Variants in VAV2 observed in about 807,000 individuals in gnomAD.
VAV2 encodes the protein vav guanine nucleotide exchange factor 2.
A neutral mutation model predicts 132.5 loss-of-function variants in VAV2; 67 were observed. That is an observed-to-expected ratio of 0.51 (90% confidence interval 0.42 to 0.62). The LOEUF (loss-of-function observed/expected upper bound fraction) is 0.62. Ranked by LOEUF, VAV2 falls within the 20% of genes least tolerant of loss-of-function variation. The pLI is 0.00. For synonymous variants in VAV2, 492 were observed against 443.5 expected (o/e 1.11, Z -1.37); for missense variants, 938 against 1,153.6 (o/e 0.81, Z 2.71).
chr9:133,928,356 G>T lies in VAV2; in HGVS notation c.321+10747C>A, dbSNP rs1271033555. On this transcript the variant is annotated intron_variant, in intron 2 of 29. Transcript: ENST00000371850. The surrounding 1 kb of genome is among the most constrained non-coding windows in gnomAD (Gnocchi z 5.4). ...ATGTTTTCAAGCAGAAACTCTGAAG[G>T]CCTTTGCCAACAGCCCCTGCGCCGG... Among the ~76,000 whole-genome samples the T allele has an allele frequency of 6.6e-6, 1 of 152,212 alleles. No individual in the cohort carries two copies. Among genetic ancestry groups the T allele is most frequent in the Non-Finnish European group, 1.5e-5 (1 of 68,044 alleles).
In VAV2 at chr9:133,834,259, C is replaced by G. The variant is rs747198541; in HGVS notation, c.449+13G>C. 8 of 1,583,406 alleles carry G rather than the reference C, an allele frequency of 5.1e-6. No individual in the cohort carries two copies. In the Admixed American group the frequency reaches 1.2e-4, roughly 24 times the overall value. ...CCCTCCTCTCCATCCCTCCTCCCAT[C>G]CCCCCGCCTTACTCGGCCAGCTCCT... On this transcript the variant is annotated intron_variant, in intron 4 of 29. Coordinates refer to ENST00000371850, the MANE Select transcript of VAV2 (RefSeq NM_001134398.2). The surrounding 1 kb of genome is among the most constrained non-coding windows in gnomAD (Gnocchi z 5.9).
chr9:133,780,657 G>A (rs1833975487), intron 20 of VAV2, 37 bp downstream of exon 20: 11 of 1,293,552 alleles, frequency 8.5e-6, no homozygotes, highest in South Asian at 2.8e-5. Flanking sequence ...TGTGGCGGGG[G>A]TGGGGCAGAG....
rs1588231654 is a variant in VAV2 at position 133,826,832 on chromosome 9, T to C, written c.449+7440A>G. On this transcript the variant is annotated intron_variant, in intron 4 of 29. Transcript: ENST00000371850. The surrounding 1 kb of genome is among the most constrained non-coding windows in gnomAD (Gnocchi z 4.2). ...GGAGGGAGGGCAGAGGCAGGCGGCCTGGCCCTGCTGGGGACTGGGGTGTGC... is the reference window on the plus strand; with the variant it reads ...GGAGGGAGGGCAGAGGCAGGCGGCCCGGCCCTGCTGGGGACTGGGGTGTGC... Among the ~76,000 whole-genome samples, 2 of 152,166 alleles carry C rather than the reference T, an allele frequency of 1.3e-5. No homozygotes were observed. The highest frequency in any genetic ancestry group is 2.9e-5 in the Non-Finnish European group (2 of 68,016).
At chr9:133,801,809 G>A (rs557483866) in intron 9 of VAV2, among the ~76,000 whole-genome samples, 1 of 152,278 alleles carries the variant, frequency 6.6e-6, no homozygotes. Flanking sequence ...GACAGAGAAC[G>A]AAGCAGCCCC....
intron 2 of VAV2, among the ~76,000 whole-genome samples, chr9:133,916,402 T>G (rs917945801): frequency 1.3e-5 from 2 of 152,190 alleles, no homozygotes; most frequent in Non-Finnish European, 2.9e-5. Context: ...AAAGGGAAGG[T>G]GGTGGGTGCC....
Position 133,812,098 on chromosome 9 carries a change from G to T in VAV2, c.552+16C>A. 6.2e-7 allele frequency: 1 copy of T among 1,612,194 alleles called. No individual in the cohort carries two copies. The highest frequency in any genetic ancestry group is 1.1e-5 in the South Asian group (1 of 91,052). On this transcript the variant is annotated intron_variant, in intron 5 of 29. Transcript: ENST00000371850. ...GGAAGGGAGGGGAAGGGAGGGAGGA[G>T]CGGGGCAGGGCTCACCATGGGCTGC... is the stretch of plus-strand genomic sequence containing the variant.
intron 1 of VAV2, among the ~76,000 whole-genome samples, chr9:133,968,280 G>A (rs1364314177): frequency 2.6e-5 from 4 of 152,024 alleles, no homozygotes; most frequent in African/African-American, 4.8e-5. Context: ...CATTACACAC[G>A]GTATATGTGT....
chr9:133,841,657 T>C (rs1221168964), intron 3 of VAV2, among the ~76,000 whole-genome samples: 1 of 152,134 alleles, frequency 6.6e-6, no homozygotes, highest in Non-Finnish European at 1.5e-5. Context: ...GCACCTCAAC[T>C]GTGCTCACTG....
chr9:133,833,411 C>G lies in VAV2; in HGVS notation c.449+861G>C, dbSNP rs1836339489. Among the ~76,000 whole-genome samples the G allele has an allele frequency of 6.6e-6, 1 of 152,192 alleles. No individual in the cohort carries two copies. Among genetic ancestry groups the G allele is most frequent in the African/African-American group, 2.4e-5 (1 of 41,450 alleles). On this transcript the variant is annotated intron_variant, in intron 4 of 29. Coordinates refer to ENST00000371850, the MANE Select transcript of VAV2 (RefSeq NM_001134398.2). The surrounding 1 kb of genome is among the most constrained non-coding windows in gnomAD (Gnocchi z 5.6). Reference sequence around the variant, plus strand: ...GAAGGGAGAGAGAAACACTAAGAGTCTTCCAGAAGAAACCGTAGTTGAGCT... The same window carrying G: ...GAAGGGAGAGAGAAACACTAAGAGTGTTCCAGAAGAAACCGTAGTTGAGCT...
intron 25 of VAV2, among the ~76,000 whole-genome samples, chr9:133,772,803 C>T (rs912553553): frequency 6.6e-6 from 1 of 152,198 alleles, no homozygotes; most frequent in African/African-American, 2.4e-5. Flanking sequence ...CATCACTGTA[C>T]GAACGCCACG....
rs1387033134 is a variant in VAV2, at chr9:133,823,167, G to A, written c.450-10951C>T. 6.6e-6 allele frequency among the ~76,000 whole-genome samples: 1 copy of A among 152,228 alleles called. No homozygotes were observed. The highest frequency in any genetic ancestry group is 1.5e-5 in the Non-Finnish European group (1 of 68,048). On this transcript the variant is annotated intron_variant, in intron 4 of 29. Coordinates refer to ENST00000371850, the MANE Select transcript of VAV2 (RefSeq NM_001134398.2). This position sits in a 1 kb window ranked among gnomAD's most constrained non-coding sequence, Gnocchi z 5.5. ...CTCCTACCACAGTGAACCAGGCCCA[G>A]GCCTAGTTAGGTGTCCTCTCTGTGC...
intron 3 of VAV2, among the ~76,000 whole-genome samples, chr9:133,852,179 G>T (rs10993825): frequency 0.11 from 15,964 of 151,668 alleles, 2,293 homozygotes; most frequent in African/African-American, 0.33. Context: ...GGTAGATGTA[G>T]CGATGAGGGG....
intron 2 of VAV2, among the ~76,000 whole-genome samples, chr9:133,925,486 G>A (rs1564470529): frequency 2.0e-5 from 3 of 152,222 alleles, no homozygotes; most frequent in African/African-American, 7.2e-5. Flanking sequence ...CCAAAGTGCT[G>A]GGATTACAGG....
At chr9:133,951,573 C>T (rs1252936230) in intron 1 of VAV2, among the ~76,000 whole-genome samples, 1 of 152,168 alleles carries the variant, frequency 6.6e-6, no homozygotes, top group Non-Finnish European at 1.5e-5. Context: ...GAGCGCTAGA[C>T]TAGAACCCCT....
intron 15 of VAV2, among the ~76,000 whole-genome samples, 176 bp from the exon 16 acceptor site, chr9:133,787,436 G>A (rs1052623815): frequency 3.3e-5 from 5 of 152,182 alleles, no homozygotes; most frequent in African/African-American, 9.7e-5. Context: ...CCAGAGTGTT[G>A]GGTGCTGGTG....
At chr9:133,801,073 C>G (rs1339093378) in intron 9 of VAV2, among the ~76,000 whole-genome samples, 10 of 152,234 alleles carry the variant, frequency 6.6e-5, no homozygotes, top group African/African-American at 2.4e-4. Flanking sequence ...ATCCCCATAC[C>G]CCAGCACCCA....
At chr9:133,941,182 TAG>T (rs927779509) in intron 1 of VAV2, among the ~76,000 whole-genome samples, 34 of 151,840 alleles carry the variant, frequency 2.2e-4, no homozygotes, top group African/African-American at 7.0e-4. Flanking sequence ...CCGAGGCGGG[TAG>T]ATCACTAGAG....
At chr9:133,818,282 C>T (rs10993809) in intron 4 of VAV2, among the ~76,000 whole-genome samples, 17,792 of 150,154 alleles carry the variant, frequency 0.12, 3,010 homozygotes, top group African/African-American at 0.38. Context: ...AGGAGAATGG[C>T]GTGAACCTGG....
chr9:133,854,906 AG>A (rs938742452), intron 3 of VAV2, among the ~76,000 whole-genome samples: 4 of 152,350 alleles, frequency 2.6e-5, no homozygotes, highest in African/African-American at 9.6e-5. Flanking sequence ...TGATGTCACC[AG>A]GTGGGACAAT....
Sources: allele counts gnomAD v4.1 joint callset (sites outside exome capture counted in the v4.1 genomes callset), GRCh38; gene constraint gnomAD v4.1.1; non-coding constraint Gnocchi (gnomAD v3.1); transcripts MANE v1.5; gene names NCBI Gene and HGNC (gene_info 2026-07-23, HGNC 2026-07-21).